The following VMP1 variants were observed in gnomAD, a reference collection of about 807,000 sequenced individuals.
VMP1 encodes the protein vacuole membrane protein 1, also known as ectopic P-granules autophagy protein 3 homolog.
VMP1 carries 11 observed loss-of-function variants against 56.0 expected under a neutral mutation model. That is an observed-to-expected ratio of 0.20 (90% CI 0.12 to 0.32). VMP1 has a LOEUF of 0.32. Among genes scored for constraint, VMP1 ranks in the 10% least tolerant of loss-of-function variants. VMP1 has a pLI of 1.00. For missense variants in VMP1, 296 were observed against 490.3 expected, an observed-to-expected ratio of 0.60 and a Z score of 3.74; for synonymous variants, 149 against 165.0, an observed-to-expected ratio of 0.90 and a Z score of 0.74.
At chr17:59,812,661 G>A (rs1329434737) in intron 9 of VMP1, among the ~76,000 whole-genome samples, 2 of 152,164 alleles carry the variant, frequency 1.3e-5, no homozygotes, top group Admixed American at 1.3e-4. Flanking sequence ...AACCAAGCGT[G>A]GTGGCTCACG....
chr17:59,759,677 A>T (rs2035970901), intron 5 of VMP1, among the ~76,000 whole-genome samples: 2 of 151,944 alleles, frequency 1.3e-5, no homozygotes, highest in African/African-American at 4.8e-5. Context: ...CTTAATATTT[A>T]AAGTGGGTTT....
intron 5 of VMP1, among the ~76,000 whole-genome samples, chr17:59,741,155 C>T (rs531287372): frequency 6.6e-6 from 1 of 152,144 alleles, no homozygotes; most frequent in East Asian, 1.9e-4. Flanking sequence ...ATGATTGCAC[C>T]ATGCACTCCA....
rs187351355 is a variant in VMP1, at chr17:59,830,363, T to C, written c.975-7932T>C. On this transcript the variant is annotated intron_variant, in intron 10 of 11. Transcript: ENST00000262291. ...CAGTGAGCCACCAAGCTGAGCACTCTTTTCTTTTTATAAGTACCCTGACCT... is the reference window on the plus strand; with the variant it reads ...CAGTGAGCCACCAAGCTGAGCACTCCTTTCTTTTTATAAGTACCCTGACCT... Among the ~76,000 whole-genome samples the C allele has an allele frequency of 5.7e-4, 87 of 152,320 alleles. 1 individual carries two copies. The highest frequency in any genetic ancestry group is 1.1e-3 in the Non-Finnish European group (76 of 68,030).
chr17:59,829,580 A>C (rs2038748745), intron 10 of VMP1, among the ~76,000 whole-genome samples: 1 of 152,204 alleles, frequency 6.6e-6, no homozygotes, highest in African/African-American at 2.4e-5. Context: ...ACTAGCCGTT[A>C]AGCCTGTTTA....
intron 1 of VMP1, among the ~76,000 whole-genome samples, chr17:59,721,068 G>A (rs557294146): frequency 1.8e-4 from 27 of 151,876 alleles, no homozygotes; most frequent in African/African-American, 2.2e-4. Context: ...GATGGGGGCC[G>A]GGCGCGGTGG....
intron 1 of VMP1, among the ~76,000 whole-genome samples, chr17:59,716,224 T>C (rs1190833029): frequency 1.3e-5 from 2 of 152,170 alleles, no homozygotes; most frequent in Admixed American, 1.3e-4. Flanking sequence ...TCTTCTACTT[T>C]AGTGTACACA....
chr17:59,782,821 AAAAC>A (rs889608603), intron 7 of VMP1, among the ~76,000 whole-genome samples: 5 of 152,310 alleles, frequency 3.3e-5, no homozygotes, highest in East Asian at 1.9e-4. Flanking sequence ...CAAAAAAGTA[AAAAC>A]AAACAAACAA....
intron 5 of VMP1, among the ~76,000 whole-genome samples, chr17:59,742,668 C>A (rs2035270762): frequency 6.6e-6 from 1 of 151,932 alleles, no homozygotes; most frequent in African/African-American, 2.4e-5. Context: ...AGTACTGGTC[C>A]CTGGCCTGTT....
chr17:59,733,799 C>G (rs2034921154), intron 2 of VMP1, among the ~76,000 whole-genome samples: 1 of 152,192 alleles, frequency 6.6e-6, no homozygotes, highest in Non-Finnish European at 1.5e-5. Context: ...TTAAACTCTT[C>G]TGAGAACTTT....
chr17:59,811,391 AAC>A (rs1275043725), intron 8 of VMP1, among the ~76,000 whole-genome samples: 2 of 152,262 alleles, frequency 1.3e-5, no homozygotes, highest in East Asian at 3.9e-4. Flanking sequence ...CACACACACA[AAC>A]ACACACACAG....
chr17:59,791,011 CT>C (rs1344675864), intron 7 of VMP1, among the ~76,000 whole-genome samples: 13 of 152,246 alleles, frequency 8.5e-5, no homozygotes, highest in Admixed American at 7.2e-4. Context: ...TTTTATATCT[CT>C]CCTAGCATGA....
At chr17:59,798,866 A>G (rs563869303) in intron 7 of VMP1, among the ~76,000 whole-genome samples, 5 of 152,382 alleles carry the variant, frequency 3.3e-5, no homozygotes, top group Admixed American at 3.3e-4. Flanking sequence ...AGCCTGAGCA[A>G]CAAGAGCGAA....
chr17:59,726,369 C>T (rs374898518), intron 1 of VMP1, among the ~76,000 whole-genome samples: 5 of 151,964 alleles, frequency 3.3e-5, no homozygotes, highest in East Asian at 1.9e-4. Flanking sequence ...TCTCGGCTCC[C>T]TGCGACCTCC....
rs1307964530 is a variant in VMP1, at chr17:59,823,738, G to A, written c.974+5965G>A. On this transcript the variant is annotated intron_variant, in intron 10 of 11. Transcript: ENST00000262291. ...TGCACTCCAACCTGGGTGACAGAGC[G>A]AGACTCTGCCTCAAAAAAAAAAAAT... 2.6e-5 allele frequency among the ~76,000 whole-genome samples: 4 copies of A among 151,574 alleles called. No homozygotes were observed. The East Asian group carries it at 5.8e-4, about 22-fold the overall frequency.
chr17:59,741,544 T>C (rs903134457), intron 5 of VMP1, among the ~76,000 whole-genome samples: 1 of 152,164 alleles, frequency 6.6e-6, no homozygotes, highest in African/African-American at 2.4e-5. Context: ...ATCAAGAGTG[T>C]GGTACGTTAT....
chr17:59,739,681 G>A (rs533660531), intron 5 of VMP1, among the ~76,000 whole-genome samples: 150 of 131,590 alleles, frequency 1.1e-3, no homozygotes, highest in African/African-American at 4.2e-3. Context: ...TGGAGATGGC[G>A]CCACTGCACT....
intron 6 of VMP1, among the ~76,000 whole-genome samples, chr17:59,766,061 G>A (rs560100098): frequency 6.6e-6 from 1 of 151,972 alleles, no homozygotes; most frequent in South Asian, 2.1e-4. Flanking sequence ...GTATATGTAT[G>A]TATGCATTTA....
chr17:59,796,379 T>C (rs1398249825), intron 7 of VMP1, among the ~76,000 whole-genome samples: 4 of 152,226 alleles, frequency 2.6e-5, no homozygotes, highest in African/African-American at 4.8e-5. Context: ...TTCTACAATA[T>C]TTGGCATGTA....
At chr17:59,820,839 C>G (rs928171085) in intron 10 of VMP1, among the ~76,000 whole-genome samples, 19 of 152,064 alleles carry the variant, frequency 1.2e-4, no homozygotes, top group Non-Finnish European at 1.5e-5. Flanking sequence ...ATTGGTATAG[C>G]CCAGATTCTT....
Sources: allele counts gnomAD v4.1 joint callset (sites outside exome capture counted in the v4.1 genomes callset), GRCh38; gene constraint gnomAD v4.1.1; transcripts MANE v1.5; gene names NCBI Gene and HGNC (gene_info 2026-07-23, HGNC 2026-07-21).